Variants in MEGF6 observed in about 807,000 individuals in gnomAD.
The protein encoded by MEGF6 is multiple epidermal growth factor-like domains protein 6.
In MEGF6, 184 loss-of-function variants were observed where a neutral mutation model predicts 207.1. The ratio of observed to expected loss-of-function variants is 0.89; its 90% confidence interval spans 0.79 to 1.00. The LOEUF (loss-of-function observed/expected upper bound fraction) is 1.00. Ranked by LOEUF, MEGF6 falls within the 50% of genes least tolerant of loss-of-function variation. The pLI is 0.00. For missense variants in MEGF6, 2,282 were observed against 2,202.9 expected, an observed-to-expected ratio of 1.04 and a Z score of -0.72; for synonymous variants, 1,038 against 910.0, an observed-to-expected ratio of 1.14 and a Z score of -2.53.
intron 1 of MEGF6, among the ~76,000 whole-genome samples, chr1:3,605,063 C>T (rs570139267): frequency 6.6e-6 from 1 of 151,520 alleles, no homozygotes; most frequent in East Asian, 1.9e-4. Flanking sequence ...CACACACCCT[C>T]ACACTCACAC....
At chr1:3,612,771 C>G (rs12027875), upstream of MEGF6, among the ~76,000 whole-genome samples, 1,540 of 152,212 alleles carry the variant, frequency 0.01, 62 homozygotes, top group East Asian at 0.097. Context: ...GGGAGCACCC[C>G]CTGACTGTCC....
chr1:3,513,005 G>A (rs1641408456), intron 7 of MEGF6, among the ~76,000 whole-genome samples: 1 of 152,132 alleles, frequency 6.6e-6, no homozygotes, highest in South Asian at 2.1e-4. Flanking sequence ...ATGCTGCAGA[G>A]GATGGTGTGG....
intron 4 of MEGF6, 132 bp from the exon 5 acceptor site, chr1:3,524,378 C>G: frequency 8.5e-7 from 1 of 1,175,394 alleles, no homozygotes; most frequent in Non-Finnish European, 1.2e-6. Flanking sequence ...ATGAGCCCCT[C>G]ACCCACATCT....
At chr1:3,602,969 T>C (rs1644184578) in intron 1 of MEGF6, among the ~76,000 whole-genome samples, 1 of 152,326 alleles carries the variant, frequency 6.6e-6, no homozygotes, top group South Asian at 2.1e-4. Context: ...GGGCCCATTC[T>C]GTCCTCTCCA....
chr1:3,537,780 T>A (rs977742851), intron 4 of MEGF6, among the ~76,000 whole-genome samples: 2 of 152,150 alleles, frequency 1.3e-5, no homozygotes, highest in Non-Finnish European at 2.9e-5. Flanking sequence ...GATGGGATGA[T>A]GGGGTGGGCC....
chr1:3,585,037 G>A (rs932763279), intron 3 of MEGF6, among the ~76,000 whole-genome samples: 8 of 152,186 alleles, frequency 5.3e-5, no homozygotes, highest in South Asian at 2.1e-4. Context: ...AGTGACACAC[G>A]TCCTGTGTGT....
At chr1:3,525,736 GC>G (rs1641936565) in intron 4 of MEGF6, among the ~76,000 whole-genome samples, 1 of 152,226 alleles carries the variant, frequency 6.6e-6, no homozygotes, top group Non-Finnish European at 1.5e-5. Context: ...CTGAGACCCT[GC>G]CAGGGCTGGA....
chr1:3,621,112 A>G, the MEGF6 span, among the ~76,000 whole-genome samples: 1 of 152,336 alleles, frequency 6.6e-6, no homozygotes, highest in South Asian at 2.1e-4. Flanking sequence ...TCACAGGGAG[A>G]CAGGCCTCCA....
intron 3 of MEGF6, among the ~76,000 whole-genome samples, chr1:3,581,814 C>T (rs1430964556): frequency 1.3e-5 from 2 of 152,074 alleles, no homozygotes; most frequent in Non-Finnish European, 2.9e-5. Flanking sequence ...CACTGCCTCC[C>T]TCCTCCCACC....
At chr1:3,595,503 C>A in intron 2 of MEGF6, 56 bp from the exon 3 acceptor site, 2 of 1,430,390 alleles carry the variant, frequency 1.4e-6, no homozygotes, top group Non-Finnish European at 2.0e-6. Flanking sequence ...CTGTATTCGG[C>A]TCTCACTGCA....
At chr1:3,492,917 G>A (rs1354023618) in intron 34 of MEGF6, 150 bp from the exon 35 acceptor site, 1 of 1,102,868 alleles carries the variant, frequency 9.1e-7, no homozygotes, top group Non-Finnish European at 1.3e-6. Context: ...TTGGGCCTCG[G>A]TTTCCCCTGA....
chr1:3,620,278 T>C, the MEGF6 span, among the ~76,000 whole-genome samples: 2 of 152,264 alleles, frequency 1.3e-5, no homozygotes, highest in Non-Finnish European at 2.9e-5. Context: ...AGCCTGACTA[T>C]GTGGTAGAAA....
In MEGF6 at chr1:3,494,721, CA is replaced by C; in HGVS notation, c.3891del (p.Phe1297LeufsTer221). 1 of 1,588,246 alleles carries C rather than the reference CA, an allele frequency of 6.3e-7. No individual in the cohort carries two copies. Among genetic ancestry groups the C allele is most frequent in the Non-Finnish European group, 8.6e-7 (1 of 1,168,366 alleles). ...GAGCAGGTGTGCTCGCAGCCCACGC[CA>C]AACCGGTTCTGGGGGCAGCCTGGAG... ...RCERGCPQNR[F>X]GVGCEHTCSC... On this transcript the variant is annotated frameshift_variant, in exon 31 of 37. Coordinates refer to ENST00000356575, the MANE Select transcript of MEGF6 (RefSeq NM_001409.4). LOFTEE classifies it high-confidence loss of function.
chr1:3,546,877 G>C (rs1642730604), intron 4 of MEGF6: 1 of 163,290 alleles, frequency 6.1e-6, no homozygotes, highest in Non-Finnish European at 1.3e-5. Flanking sequence ...GTGGCAGTGG[G>C]CTGGGAAGGG....
At chr1:3,522,073 A>G (rs886388128) in intron 5 of MEGF6, among the ~76,000 whole-genome samples, 4 of 152,224 alleles carry the variant, frequency 2.6e-5, no homozygotes, top group Non-Finnish European at 4.4e-5. Flanking sequence ...AACCCCCAGC[A>G]TCTTCTGTGG....
In MEGF6 at chr1:3,510,839, T is replaced by TCA. The variant is rs1641316333; in HGVS notation, c.1177_1178insTG (p.Tyr393LeufsTer131). On this transcript the variant is annotated frameshift_variant, in exon 10 of 37. Coordinates refer to ENST00000356575, the MANE Select transcript of MEGF6 (RefSeq NM_001409.4). LOFTEE classifies it high-confidence loss of function. ...GTAGCCGGCGTAGCAGCCGCACTCG[T>TCA]ACCCGCCAGGGTTGTTGGTGCACAC... The TCA allele has an allele frequency of 6.2e-7, 1 of 1,610,992 alleles. No homozygotes were observed. Among genetic ancestry groups the TCA allele is most frequent in the Admixed American group, 1.7e-5 (1 of 59,970 alleles).
Position 3,512,111 on chromosome 1 carries a change from C to T in MEGF6, c.871G>A (p.Ala291Thr), listed in dbSNP as rs115175505. The T allele has an allele frequency of 3.3e-4, 528 of 1,608,260 alleles. 2 individuals carry two copies. The Middle Eastern group carries it at 4.8e-3, about 15-fold the overall frequency. ...CCATGGGCACACTGGGCCAGCCCTGCGGCACATTCGTCCACATCTGGAGGG... is the reference window on the plus strand; with the variant it reads ...CCATGGGCACACTGGGCCAGCCCTGTGGCACATTCGTCCACATCTGGAGGG... The part of the protein sequence containing the change: ...KACEDVDECA[A>T]GLAQCAHGCL... The change falls in exon 8 of 37, where the codon GCA becomes ACA. Residue 291 changes from alanine (A) to threonine (T), a missense_variant. Coordinates refer to ENST00000356575, the MANE Select transcript of MEGF6 (RefSeq NM_001409.4).
In MEGF6 at chr1:3,514,645, C is replaced by A; in HGVS notation, c.758G>T (p.Gly253Val). The change falls in exon 7 of 37, where the codon GGC (glycine) becomes GTC (valine). Residue 253 changes from glycine to valine, a missense_variant. Transcript: ENST00000356575. ...VRRSPCANRN[G>V]SCMHRCQVVR... The stretch of plus-strand genomic sequence containing the variant: ...CACCTGGCACCTGTGCATGCAGCTG[C>A]CGTTCCTGTTGGCACACGGGCTTCT... 6.3e-7 allele frequency: 1 copy of A among 1,582,782 alleles called. No homozygotes were observed. The highest frequency in any genetic ancestry group is 1.3e-5 in the African/African-American group (1 of 74,624).
chr1:3,624,011 A>C, the MEGF6 span, among the ~76,000 whole-genome samples: 1 of 151,904 alleles, frequency 6.6e-6, no homozygotes, highest in African/African-American at 2.4e-5. Context: ...GGCGATTCTA[A>C]ACCGTCCATC....
Sources: allele counts gnomAD v4.1 joint callset (sites outside exome capture counted in the v4.1 genomes callset), GRCh38; gene constraint gnomAD v4.1.1; transcripts MANE v1.5; gene names NCBI Gene and HGNC (gene_info 2026-07-23, HGNC 2026-07-21).